Variants in RIMS2 observed in about 807,000 individuals in gnomAD.
RIMS2 encodes the protein regulating synaptic membrane exocytosis 2.
Under a neutral mutation model 174.4 loss-of-function variants are expected in RIMS2, and 59 were observed. That is an observed-to-expected ratio of 0.34 (90% CI 0.27 to 0.42). The LOEUF (loss-of-function observed/expected upper bound fraction) is 0.42, where lower values mean the gene tolerates loss of function less well. Among genes scored for constraint, RIMS2 ranks in the 10% least tolerant of loss-of-function variants. The probability of loss-of-function intolerance (pLI) is 1.00; values close to 1 mark genes in which losing one functional copy is unlikely to be tolerated. For synonymous variants in RIMS2, 606 were observed against 572.5 expected, an observed-to-expected ratio of 1.06 and a Z score of -0.84; for missense variants, 1,620 against 1,666.3, an observed-to-expected ratio of 0.97 and a Z score of 0.48.
chr8:103,799,142 T>C (rs2098584000), intron 3 of RIMS2, among the ~76,000 whole-genome samples: 1 of 151,994 alleles, frequency 6.6e-6, no homozygotes, highest in Non-Finnish European at 1.5e-5. Flanking sequence ...GCCAATAGTT[T>C]GAATGAGCAA....
At chr8:104,113,220 T>C (rs1261443274) in intron 19 of RIMS2, among the ~76,000 whole-genome samples, 1 of 152,142 alleles carries the variant, frequency 6.6e-6, no homozygotes, top group East Asian at 1.9e-4. Flanking sequence ...GGGAGCTTTT[T>C]AAAAACATAA....
chr8:103,617,090 G>T (rs1264381268), intron 1 of RIMS2, among the ~76,000 whole-genome samples: 1 of 152,128 alleles, frequency 6.6e-6, no homozygotes, highest in African/African-American at 2.4e-5. Context: ...AACAAAGCTG[G>T]CAGCATCACG....
intron 19 of RIMS2, among the ~76,000 whole-genome samples, chr8:104,099,765 T>C (rs2097837283): frequency 6.6e-6 from 1 of 152,098 alleles, no homozygotes; most frequent in South Asian, 2.1e-4. Flanking sequence ...CCATTTATTT[T>C]TTCTTTATTT....
At chr8:103,760,635 T>G (rs1263995587) in intron 2 of RIMS2, among the ~76,000 whole-genome samples, 1 of 152,178 alleles carries the variant, frequency 6.6e-6, no homozygotes, top group East Asian at 1.9e-4. Flanking sequence ...CTATTGTAGA[T>G]CTCTGCATTC....
chr8:103,953,251 C>A (rs1400959927), intron 14 of RIMS2, among the ~76,000 whole-genome samples: 1 of 152,150 alleles, frequency 6.6e-6, no homozygotes, highest in Non-Finnish European at 1.5e-5. Flanking sequence ...ATACAAACAA[C>A]ATCACAAAGA....
intron 3 of RIMS2, among the ~76,000 whole-genome samples, chr8:103,859,968 G>A (rs919821796): frequency 3.3e-5 from 5 of 151,996 alleles, no homozygotes; most frequent in Middle Eastern, 3.2e-3. Context: ...GAAATAAGAC[G>A]TGCATTCCTC....
chr8:103,811,013 C>T (rs1252076035), intron 3 of RIMS2, among the ~76,000 whole-genome samples: 1 of 152,036 alleles, frequency 6.6e-6, no homozygotes, highest in Non-Finnish European at 1.5e-5. Context: ...TCTAGGTGTA[C>T]TTGGAAGTTA....
rs527733419 is a variant in RIMS2 at position 103,675,641 on chromosome 8, A to G, written c.177-21445A>G. On this transcript the variant is annotated intron_variant, in intron 1 of 23. Transcript: ENST00000504942. Reference sequence around the variant, plus strand: ...CATGTAACAGAGATAGCATAAGCCTATCTGACCAGTACACCCAGGCAGAAA... The same window carrying G: ...CATGTAACAGAGATAGCATAAGCCTGTCTGACCAGTACACCCAGGCAGAAA... Among the ~76,000 whole-genome samples the G allele has an allele frequency of 3.9e-5, 6 of 152,350 alleles. No individual in the cohort carries two copies. In the South Asian group the frequency reaches 1.0e-3, roughly 26 times the overall value.
At chr8:104,233,882 A>G (rs1348383018) in intron 19 of RIMS2, among the ~76,000 whole-genome samples, 1 of 152,028 alleles carries the variant, frequency 6.6e-6, no homozygotes, top group Non-Finnish European at 1.5e-5. Flanking sequence ...TGCCCTACTC[A>G]CTTCCTTTGC....
chr8:104,054,769 A>T (rs550650096), intron 19 of RIMS2, among the ~76,000 whole-genome samples: 1 of 152,180 alleles, frequency 6.6e-6, no homozygotes, highest in East Asian at 1.9e-4. Context: ...AGTATCAAAA[A>T]TTTTATTTTT....
chr8:103,955,814 T>C (rs2086983960), intron 14 of RIMS2, among the ~76,000 whole-genome samples: 1 of 152,156 alleles, frequency 6.6e-6, no homozygotes, highest in Non-Finnish European at 1.5e-5. Context: ...TCAGATTATC[T>C]CTGTTTGCAG....
chr8:104,105,319 A>T (rs1344428665), intron 19 of RIMS2, among the ~76,000 whole-genome samples: 1 of 152,200 alleles, frequency 6.6e-6, no homozygotes, highest in Non-Finnish European at 1.5e-5. Flanking sequence ...AGCCAGAAAT[A>T]TTACAACCTA....
At chr8:104,246,774 C>G (rs972007822) in intron 20 of RIMS2, among the ~76,000 whole-genome samples, 1 of 152,090 alleles carries the variant, frequency 6.6e-6, no homozygotes, top group Non-Finnish European at 1.5e-5. Flanking sequence ...GAAGCAGGAG[C>G]TGGCCTGGTG....
chr8:103,746,068 T>G (rs2097808101), intron 2 of RIMS2, among the ~76,000 whole-genome samples: 1 of 152,240 alleles, frequency 6.6e-6, no homozygotes, highest in South Asian at 2.1e-4. Context: ...CTTTAATAAT[T>G]ATGTAGCTTT....
chr8:103,778,156 A>G (rs1303206287), intron 3 of RIMS2, among the ~76,000 whole-genome samples: 1 of 152,072 alleles, frequency 6.6e-6, no homozygotes, highest in Non-Finnish European at 1.5e-5. Flanking sequence ...ATACATATAC[A>G]TATTTTGGGG....
intron 1 of RIMS2, among the ~76,000 whole-genome samples, chr8:103,603,764 T>A (rs1221248054): frequency 4.1e-5 from 6 of 147,652 alleles, no homozygotes; most frequent in Admixed American, 3.4e-4. Context: ...ATGAGCATTT[T>A]TTCATGTGTT....
intron 1 of RIMS2, among the ~76,000 whole-genome samples, chr8:103,643,835 G>GA (rs1348146543): frequency 6.6e-6 from 1 of 151,958 alleles, no homozygotes; most frequent in Non-Finnish European, 1.5e-5. Flanking sequence ...TCCCTACATT[G>GA]AAGGCTAGAG....
intron 1 of RIMS2, among the ~76,000 whole-genome samples, chr8:103,618,993 G>C (rs957732765): frequency 6.6e-6 from 1 of 150,886 alleles, no homozygotes; most frequent in Non-Finnish European, 1.5e-5. Flanking sequence ...AAAGTTGCTT[G>C]AATGACAATG....
intron 1 of RIMS2, among the ~76,000 whole-genome samples, chr8:103,684,403 T>G (rs1451568914): frequency 2.0e-5 from 3 of 152,132 alleles, no homozygotes; most frequent in Non-Finnish European, 4.4e-5. Context: ...ATTAAATTTT[T>G]TTAAGTTTAT....
Sources: gnomAD v4.1 joint callset for allele counts (sites outside exome capture counted in the v4.1 genomes callset) on GRCh38, gnomAD v4.1.1 for gene constraint, MANE v1.5 for transcripts, NCBI Gene and HGNC (gene_info 2026-07-23, HGNC 2026-07-21) for gene names.